Variants in RARB observed in about 807,000 individuals in gnomAD.
RARB encodes retinoic acid receptor beta.
In RARB, 17 loss-of-function variants were observed where a neutral mutation model predicts 51.9. That is an observed-to-expected ratio of 0.33 (90% CI 0.22 to 0.49). The LOEUF (loss-of-function observed/expected upper bound fraction) is 0.49. RARB is among the 20% of genes least tolerant of loss of function. The pLI is 0.99. For synonymous variants in RARB, 215 were observed against 195.4 expected, an observed-to-expected ratio of 1.10 and a Z score of -0.84; for missense variants, 369 against 550.8, an observed-to-expected ratio of 0.67 and a Z score of 3.30.
chr3:25,394,078 A>G (rs1011088166), intron 5 of RARB, among the ~76,000 whole-genome samples: 13 of 152,060 alleles, frequency 8.5e-5, no homozygotes, highest in Non-Finnish European at 1.8e-4. Flanking sequence ...CTTTTGCTGT[A>G]TCACAGAGGT....
chr3:25,042,426 C>T (rs1698131696), intron 2 of RARB, among the ~76,000 whole-genome samples: 1 of 152,172 alleles, frequency 6.6e-6, no homozygotes, highest in African/African-American at 2.4e-5. Context: ...CTTTAACACC[C>T]AGTAATGTTT....
chr3:25,079,604 G>C (rs1391542554), intron 3 of RARB, among the ~76,000 whole-genome samples: 1 of 152,094 alleles, frequency 6.6e-6, no homozygotes, highest in Non-Finnish European at 1.5e-5. Context: ...TATGTGCATT[G>C]AATTTTTGAA....
intron 5 of RARB, among the ~76,000 whole-genome samples, chr3:25,333,786 A>G (rs1704976160): frequency 1.3e-5 from 2 of 152,248 alleles, no homozygotes; most frequent in African/African-American, 4.8e-5. Context: ...CATCTGACAA[A>G]GGGCTAATGT....
intron 2 of RARB, among the ~76,000 whole-genome samples, chr3:25,008,924 C>A (rs1697334669): frequency 6.6e-6 from 1 of 152,114 alleles, no homozygotes; most frequent in South Asian, 2.1e-4. Flanking sequence ...TTATGTGGAA[C>A]TTTTACTAGT....
intron 3 of RARB, among the ~76,000 whole-genome samples, chr3:25,523,645 A>G (rs2125634759): frequency 6.6e-6 from 1 of 152,284 alleles, no homozygotes; most frequent in Middle Eastern, 3.4e-3. Context: ...AAAGTGAGGG[A>G]CAATGTTTAC....
chr3:24,946,136 C>A (rs1695768094), intron 2 of RARB, among the ~76,000 whole-genome samples: 1 of 151,650 alleles, frequency 6.6e-6, no homozygotes, highest in South Asian at 2.1e-4. Flanking sequence ...GTGGTGGCAG[C>A]TGCCTGTAGT....
At chr3:24,887,983 C>T (rs1244128508) in intron 2 of RARB, among the ~76,000 whole-genome samples, 4 of 152,098 alleles carry the variant, frequency 2.6e-5, no homozygotes, top group Admixed American at 2.6e-4. Context: ...GCTGGTCTAT[C>T]AGCAACATGT....
At chr3:24,991,761 GTT>G (rs77706052) in intron 2 of RARB, among the ~76,000 whole-genome samples, 2 of 143,404 alleles carry the variant, frequency 1.4e-5, no homozygotes, top group Non-Finnish European at 1.5e-5. Flanking sequence ...TATGGAGGGT[GTT>G]TTTTTTTTTT....
At chr3:25,517,023 G>A (rs1171177177) in intron 3 of RARB, among the ~76,000 whole-genome samples, 3 of 152,324 alleles carry the variant, frequency 2.0e-5, no homozygotes, top group East Asian at 3.9e-4. Context: ...CCTAATGCCA[G>A]TTTGCAGAGT....
intron 3 of RARB, among the ~76,000 whole-genome samples, chr3:25,113,116 T>G (rs1308955466): frequency 6.6e-6 from 1 of 152,224 alleles, no homozygotes; most frequent in Non-Finnish European, 1.5e-5. Context: ...TGTTCTGATT[T>G]TTTTCTTCAT....
chr3:25,549,592 T>C (rs1015705541), intron 3 of RARB, among the ~76,000 whole-genome samples: 17 of 152,170 alleles, frequency 1.1e-4, no homozygotes, highest in Non-Finnish European at 1.6e-4. Flanking sequence ...TACTGGGGGC[T>C]GATCAGAGCA....
intron 5 of RARB, among the ~76,000 whole-genome samples, chr3:25,340,064 G>T (rs2125450208): frequency 6.6e-6 from 1 of 152,274 alleles, no homozygotes; most frequent in South Asian, 2.1e-4. Flanking sequence ...TATTGGTACA[G>T]AGCATGTAAA....
At chr3:25,592,631 A>T (rs1008257182) in intron 5 of RARB, among the ~76,000 whole-genome samples, 1 of 152,222 alleles carries the variant, frequency 6.6e-6, no homozygotes, top group South Asian at 2.1e-4. Context: ...GCAGTGAGCA[A>T]GAGTCTCCTT....
At chr3:25,005,654 G>T (rs558581343) in intron 2 of RARB, among the ~76,000 whole-genome samples, 2 of 152,224 alleles carry the variant, frequency 1.3e-5, no homozygotes, top group South Asian at 4.1e-4. Flanking sequence ...ATATCCTGTT[G>T]GTTGGATGGA....
At chr3:24,955,438 C>T (rs1428596440) in intron 2 of RARB, among the ~76,000 whole-genome samples, 1 of 152,162 alleles carries the variant, frequency 6.6e-6, no homozygotes, top group Non-Finnish European at 1.5e-5. Flanking sequence ...CCATTTAGGG[C>T]TGTGGTTTCC....
intron 2 of RARB, among the ~76,000 whole-genome samples, chr3:24,965,424 T>G (rs923496870): frequency 1.3e-5 from 2 of 152,208 alleles, no homozygotes; most frequent in African/African-American, 4.8e-5. Context: ...AGGCTTTGTC[T>G]TCCAGCTTTA....
chr3:25,428,584 A>G lies in RARB; in HGVS notation c.-148A>G, dbSNP rs1708074199. ...GCTTTTAGCTGGCTTGTCTGTCATA[A>G]TTCATGATTCGGGGCTGGGAAAAAG... is the stretch of plus-strand genomic sequence containing the variant. On this transcript the variant is annotated 5_prime_UTR_variant, in exon 1 of 8. Transcript: ENST00000330688. The G allele has an allele frequency of 1.4e-6, 2 of 1,379,582 alleles. No individual in the cohort carries two copies. Among genetic ancestry groups the G allele is most frequent in the Non-Finnish European group, 1.9e-6 (2 of 1,060,480 alleles). The allele number at this position is 1,379,582 out of a possible 1,614,324, so 85.5% of individuals were successfully genotyped here. A position where few individuals can be genotyped will look rare whatever the true frequency, so the allele number is the denominator to read the frequency against.
chr3:24,957,877 G>T (rs760232288), intron 2 of RARB, among the ~76,000 whole-genome samples: 1 of 152,002 alleles, frequency 6.6e-6, no homozygotes, highest in African/African-American at 2.4e-5. Context: ...CCCATAATAC[G>T]GTATTTATAC....
At chr3:25,415,566 C>T (rs1013285135) in intron 5 of RARB, among the ~76,000 whole-genome samples, 1 of 152,060 alleles carries the variant, frequency 6.6e-6, no homozygotes, top group Non-Finnish European at 1.5e-5. Context: ...CTACCTTTTT[C>T]CTGGTCTTAA....
Sources: allele counts gnomAD v4.1 joint callset (sites outside exome capture counted in the v4.1 genomes callset), GRCh38; gene constraint gnomAD v4.1.1; transcripts MANE v1.5; gene names NCBI Gene and HGNC (gene_info 2026-07-23, HGNC 2026-07-21).